AGBL4: variants seen among roughly 807,000 people sequenced by gnomAD.
AGBL4 encodes cytosolic carboxypeptidase 6.
AGBL4 carries 58 observed loss-of-function variants against 66.4 expected under a neutral mutation model. That is an observed-to-expected ratio of 0.87 (90% CI 0.71 to 1.09). AGBL4 has a LOEUF of 1.09. AGBL4 is among the 50% of genes least tolerant of loss of function. The probability of loss-of-function intolerance (pLI) is 0.00; values close to 1 mark genes in which losing one functional copy is unlikely to be tolerated. For synonymous variants in AGBL4, 234 were observed against 222.9 expected (o/e 1.05, Z -0.44); for missense variants, 579 against 631.0 (o/e 0.92, Z 0.88).
At chr1:49,901,176 T>C (rs776786970) in intron 1 of AGBL4, among the ~76,000 whole-genome samples, 2 of 152,290 alleles carry the variant, frequency 1.3e-5, no homozygotes, top group Non-Finnish European at 2.9e-5. Flanking sequence ...ACCATAGTAC[T>C]GGAATCCCTG....
At chr1:49,202,216 G>A in intron 4 of AGBL4, among the ~76,000 whole-genome samples, 1 of 152,146 alleles carries the variant, frequency 6.6e-6, no homozygotes, top group East Asian at 1.9e-4. Context: ...GAAATCAATA[G>A]TTGTTTAATG....
intron 1 of AGBL4, among the ~76,000 whole-genome samples, chr1:49,883,288 T>C (rs1010882378): frequency 6.6e-6 from 1 of 152,114 alleles, no homozygotes; most frequent in Admixed American, 6.5e-5. Context: ...CCTGGATATA[T>C]GCATATTTGT....
intron 2 of AGBL4, among the ~76,000 whole-genome samples, chr1:49,780,423 T>C (rs184623506): frequency 6.6e-6 from 1 of 152,192 alleles, no homozygotes; most frequent in East Asian, 1.9e-4. Flanking sequence ...TTAAAAGAAC[T>C]AGAAATAATA....
At chr1:49,288,999 GAC>G (rs143838813) in intron 3 of AGBL4, among the ~76,000 whole-genome samples, 6 of 150,646 alleles carry the variant, frequency 4.0e-5, no homozygotes, top group African/African-American at 7.3e-5. Flanking sequence ...TAACAAATGA[GAC>G]ACACACACAC....
At chr1:49,512,265 T>A (rs967156980) in intron 3 of AGBL4, among the ~76,000 whole-genome samples, 1 of 152,008 alleles carries the variant, frequency 6.6e-6, no homozygotes, top group South Asian at 2.1e-4. Flanking sequence ...GGAACTAGGA[T>A]TAAATCCTAC....
At chr1:48,697,760 G>T (rs2148501494) in intron 6 of AGBL4, among the ~76,000 whole-genome samples, 1 of 152,284 alleles carries the variant, frequency 6.6e-6, no homozygotes, top group East Asian at 1.9e-4. Flanking sequence ...GATACAGAAA[G>T]AATGGTGACA....
chr1:49,545,872 TG>T (rs1416941651), intron 3 of AGBL4, among the ~76,000 whole-genome samples: 3 of 152,118 alleles, frequency 2.0e-5, no homozygotes, highest in African/African-American at 7.2e-5. Context: ...TTTTATACCC[TG>T]TGTTTATTTT....
intron 4 of AGBL4, among the ~76,000 whole-genome samples, chr1:49,064,953 A>G (rs1571358162): frequency 1.3e-5 from 2 of 152,342 alleles, no homozygotes; most frequent in Non-Finnish European, 1.5e-5. Flanking sequence ...ATTTCATTAT[A>G]ATGTTATTAG....
chr1:49,702,913 T>G (rs549430039), intron 2 of AGBL4, among the ~76,000 whole-genome samples: 1 of 152,162 alleles, frequency 6.6e-6, no homozygotes, highest in East Asian at 1.9e-4. Flanking sequence ...ATAAGAATAC[T>G]CAAGATGAAC....
At chr1:48,782,352 C>T (rs983743093) in intron 6 of AGBL4, among the ~76,000 whole-genome samples, 5 of 152,204 alleles carry the variant, frequency 3.3e-5, no homozygotes, top group African/African-American at 1.2e-4. Flanking sequence ...TAATGTCAGG[C>T]TCCTTTGGTT....
intron 3 of AGBL4, among the ~76,000 whole-genome samples, chr1:49,636,474 C>A (rs750319995): frequency 6.6e-6 from 1 of 152,046 alleles, no homozygotes; most frequent in Non-Finnish European, 1.5e-5. Flanking sequence ...CTTCAACATA[C>A]GAACTTTGGA....
chr1:49,450,107 A>G (rs1186005596), intron 3 of AGBL4, among the ~76,000 whole-genome samples: 1 of 152,086 alleles, frequency 6.6e-6, no homozygotes, highest in Non-Finnish European at 1.5e-5. Context: ...TAAATATTTG[A>G]TGTAAAAATG....
At chr1:49,948,456 TATAGATAAATATATAA>T (rs1655708241) in intron 1 of AGBL4, among the ~76,000 whole-genome samples, 1 of 54,200 alleles carries the variant, frequency 1.8e-5, no homozygotes, top group Non-Finnish European at 3.9e-5. Flanking sequence ...AATATATAAA[TATAGATAAATATATAA>T]ATATATAAAT....
In AGBL4 at chr1:49,998,040, A is replaced by G. The variant is rs956115468; in HGVS notation, c.34+25723T>C. On this transcript the variant is annotated intron_variant, in intron 1 of 13. Transcript: ENST00000371839. ...ATCTAAGGTCACATCTCACAGAACTAGAGAAACAAGAACAATCCAAACCAA... is the reference window on the plus strand; with the variant it reads ...ATCTAAGGTCACATCTCACAGAACTGGAGAAACAAGAACAATCCAAACCAA... 6.6e-5 allele frequency among the ~76,000 whole-genome samples: 10 copies of G among 152,224 alleles called. No individual in the cohort carries two copies. In the East Asian group the frequency reaches 1.9e-3, roughly 29 times the overall value.
intron 4 of AGBL4, among the ~76,000 whole-genome samples, chr1:49,099,022 C>T (rs1645156367): frequency 6.6e-6 from 1 of 152,130 alleles, no homozygotes; most frequent in Non-Finnish European, 1.5e-5. Flanking sequence ...GCTAGAGCCT[C>T]CCAGAGGAAG....
intron 3 of AGBL4, among the ~76,000 whole-genome samples, chr1:49,470,896 T>C (rs1646729234): frequency 6.6e-6 from 1 of 152,000 alleles, no homozygotes; most frequent in African/African-American, 2.4e-5. Context: ...TCAATAAAAG[T>C]TGCTGTCTAA....
chr1:49,600,515 G>A (rs982639577), intron 3 of AGBL4, among the ~76,000 whole-genome samples: 2 of 152,174 alleles, frequency 1.3e-5, no homozygotes, highest in Non-Finnish European at 2.9e-5. Flanking sequence ...TTGCACATGA[G>A]ATGGGTCTCT....
chr1:48,738,597 T>C (rs2148584238), intron 6 of AGBL4, among the ~76,000 whole-genome samples: 1 of 152,346 alleles, frequency 6.6e-6, no homozygotes, highest in South Asian at 2.1e-4. Context: ...CTTCCTGAGA[T>C]AGGAGAAAAA....
intron 1 of AGBL4, among the ~76,000 whole-genome samples, chr1:49,921,026 C>T (rs1407160936): frequency 2.2e-4 from 34 of 152,164 alleles, no homozygotes; most frequent in South Asian, 2.1e-4. Context: ...CACTCATAGT[C>T]GGGAACTGAA....
Sources: gnomAD v4.1 joint callset for allele counts (sites outside exome capture counted in the v4.1 genomes callset) on GRCh38, gnomAD v4.1.1 for gene constraint, MANE v1.5 for transcripts, NCBI Gene and HGNC (gene_info 2026-07-23, HGNC 2026-07-21) for gene names.